Variants in PREX1 observed in about 807,000 individuals in gnomAD.
PREX1 encodes the protein phosphatidylinositol 3,4,5-trisphosphate-dependent Rac exchanger 1 protein.
In PREX1, 41 loss-of-function variants were observed where a neutral mutation model predicts 198.3. The observed-to-expected ratio is 0.21, with a 90% CI of 0.16 to 0.27. The LOEUF (loss-of-function observed/expected upper bound fraction) is 0.27. Ranked by LOEUF, PREX1 falls within the 10% of genes least tolerant of loss-of-function variation. The pLI, the probability that PREX1 is intolerant of heterozygous loss-of-function variation, is 1.00. For synonymous variants in PREX1, 843 were observed against 887.2 expected (o/e 0.95, Z 0.89); for missense variants, 1,620 against 2,200.7 (o/e 0.74, Z 5.28).
At chr20:48,712,422 T>C (rs1295858537) in intron 5 of PREX1, among the ~76,000 whole-genome samples, 3 of 152,150 alleles carry the variant, frequency 2.0e-5, no homozygotes, top group African/African-American at 7.2e-5. Context: ...ACTTTTATTC[T>C]TGAAGCTAAA....
Position 48,827,784 on chromosome 20 carries a change from C to A in PREX1, c.77G>T (p.Gly26Val). Residue 26 changes from glycine (G) to valine (V), a missense_variant, in exon 1 of 40, where the codon GGC becomes GTC. Physicochemically the swap from Gly to Val is moderately radical, Grantham distance 109. This residue lies in a region of PREX1 where 96 missense variants were observed against 98.7 expected (regional missense o/e 0.97). Transcript: ENST00000371941. The surrounding 1 kb of genome is among the most constrained non-coding windows in gnomAD (Gnocchi z 4.1). ...GGGGCCGGAGCTGGGCGCCGCGGCG[C>A]CAGGGGCCCGGGGGTCCGGGTGGGC... Reference protein sequence around the residue: ...DCAHPDPRAPGAAAPSSGPGP... With the variant: ...DCAHPDPRAPVAAAPSSGPGP... 1.3e-5 allele frequency: 15 copies of A among 1,134,792 alleles called. No individual in the cohort carries two copies. Among genetic ancestry groups the A allele is most frequent in the Non-Finnish European group, 1.5e-5 (14 of 918,714 alleles). 70.3% of individuals were successfully genotyped at this position (1,134,792 alleles called of 1,614,324 possible).
intron 1 of PREX1, among the ~76,000 whole-genome samples, chr20:48,753,263 G>C (rs1048830894): frequency 6.6e-6 from 1 of 152,154 alleles, no homozygotes; most frequent in East Asian, 1.9e-4. Context: ...GATACCAAGA[G>C]TATGAGACAC....
chr20:48,773,403 C>A (rs2090246285), intron 1 of PREX1, among the ~76,000 whole-genome samples: 1 of 152,208 alleles, frequency 6.6e-6, no homozygotes, highest in Non-Finnish European at 1.5e-5. Flanking sequence ...CCACACTAGC[C>A]CCTTTCCTGA....
intron 35 of PREX1, among the ~76,000 whole-genome samples, chr20:48,631,774 A>G (rs1391129893): frequency 5.3e-5 from 8 of 152,044 alleles, no homozygotes. Context: ...TGGGAGCTGC[A>G]GAACTTAGAA....
chr20:48,632,625 A>G lies in PREX1; in HGVS notation c.4282T>C (p.Tyr1428His). The G allele has an allele frequency of 6.2e-7, 1 of 1,613,814 alleles. No individual in the cohort carries two copies. The highest frequency in any genetic ancestry group is 8.5e-7 in the Non-Finnish European group (1 of 1,179,852). The change falls in exon 34 of 40, where the codon TAC becomes CAC. Residue 1428 changes from tyrosine (Y) to histidine (H), a missense_variant. Coordinates refer to ENST00000371941, the MANE Select transcript of PREX1 (RefSeq NM_020820.4). Reference protein sequence around the residue: ...ENYVANTNVFYHIEGSRQALK... With the variant: ...ENYVANTNVFHHIEGSRQALK... ...GCCTGCCGGCTGCCCTCAATGTGGT[A>G]GAAGACGTTGGTGTCTGCGGAAGGA... is the stretch of plus-strand genomic sequence containing the variant.
intron 36 of PREX1, 57 bp downstream of exon 36, chr20:48,630,671 C>A: frequency 6.8e-7 from 1 of 1,471,412 alleles, no homozygotes; most frequent in Non-Finnish European, 9.5e-7. Context: ...TGAGTCCTGA[C>A]TCCTGAGCGC....
intron 18 of PREX1, among the ~76,000 whole-genome samples, chr20:48,656,255 C>T (rs1381679686): frequency 6.6e-6 from 1 of 152,198 alleles, no homozygotes. Context: ...CTACCCCTAG[C>T]ACGGGTCTGC....
Position 48,636,594 on chromosome 20 carries a change from G to C in PREX1, c.4036C>G (p.Leu1346Val). The C allele has an allele frequency of 6.2e-7, 1 of 1,611,702 alleles. No individual in the cohort carries two copies. The highest frequency in any genetic ancestry group is 1.1e-5 in the South Asian group (1 of 91,030). Residue 1346 changes from leucine to valine, a missense_variant, in exon 32 of 40, where the codon CTG becomes GTG. By Grantham distance (32) the Leu-to-Val change is conservative. Around this residue, in one of 7 missense-constraint regions of PREX1, gnomAD observed 476 missense variants for 603.4 expected, o/e 0.79. Transcript: ENST00000371941. ...CTFSKQLLAALGYRYNNNGEY... is the reference protein window; with the variant it reads ...CTFSKQLLAAVGYRYNNNGEY... ...CCATTGTTGTTGTAGCGGTAGCCCA[G>C]GGCCGCCAGCAGCTGCTTGGAGAAG...
the PREX1 span, among the ~76,000 whole-genome samples, chr20:48,884,651 A>T: frequency 6.6e-6 from 1 of 152,264 alleles, no homozygotes; most frequent in Non-Finnish European, 1.5e-5. Flanking sequence ...GACTAAAGAA[A>T]AACAATAGAT....
the PREX1 span, among the ~76,000 whole-genome samples, chr20:48,838,192 C>G: frequency 6.6e-6 from 1 of 152,172 alleles, no homozygotes; most frequent in Non-Finnish European, 1.5e-5. Flanking sequence ...TGGAAACGTT[C>G]TATTTCCTAA....
At chr20:48,644,812 G>A (rs756160410) in intron 26 of PREX1, among the ~76,000 whole-genome samples, 23 of 152,334 alleles carry the variant, frequency 1.5e-4, no homozygotes, top group Admixed American at 2.6e-4. Flanking sequence ...CTTGCCCTGA[G>A]ACACCTGCCC....
In PREX1 at chr20:48,748,816, A is replaced by G. The variant is rs1195546951; in HGVS notation, c.220-936T>C. Among the ~76,000 whole-genome samples, 5 of 152,182 alleles carry G rather than the reference A, an allele frequency of 3.3e-5. No homozygotes were observed. In the East Asian group the frequency reaches 9.6e-4, roughly 29 times the overall value. On this transcript the variant is annotated intron_variant, in intron 1 of 39. Transcript: ENST00000371941. ...AGGCCCAGGACCACCAGAGGTTCGG[A>G]TTTGGGTGTTGTTGTGGTTTTTAAT...
intron 16 of PREX1, 143 bp from the exon 17 acceptor site, chr20:48,658,371 C>A: frequency 1.4e-6 from 1 of 739,530 alleles, no homozygotes; most frequent in Non-Finnish European, 2.3e-6. Flanking sequence ...CAGAGCAAAA[C>A]GCAAACAGCA....
chr20:48,630,512 T>C (rs1434151528), intron 36 of PREX1, among the ~76,000 whole-genome samples: 1 of 152,142 alleles, frequency 6.6e-6, no homozygotes, highest in East Asian at 1.9e-4. Flanking sequence ...GTGGCAGAGA[T>C]GGGCGGCTGC....
intron 5 of PREX1, among the ~76,000 whole-genome samples, chr20:48,709,795 G>A (rs113399678): frequency 6.6e-5 from 10 of 152,280 alleles, no homozygotes; most frequent in East Asian, 1.9e-4. Context: ...ATGACAACAC[G>A]CTAGCTGTAA....
At chr20:48,667,982 G>C (rs192518637) in intron 14 of PREX1, among the ~76,000 whole-genome samples, 2 of 152,158 alleles carry the variant, frequency 1.3e-5, no homozygotes, top group Non-Finnish European at 2.9e-5. Flanking sequence ...AGCATTTCCC[G>C]GTGCCAGTTC....
chr20:48,627,765 G>T (rs2089284316), intron 38 of PREX1, 96 bp downstream of exon 38: 2 of 1,401,464 alleles, frequency 1.4e-6, no homozygotes, highest in South Asian at 1.2e-5. Context: ...TCAGGTCTGG[G>T]GCTGGTGGCT....
At chr20:48,697,384 CT>C (rs11289036) in intron 7 of PREX1, among the ~76,000 whole-genome samples, 73,336 of 138,674 alleles carry the variant, frequency 0.53, 19,692 homozygotes, top group African/African-American at 0.72. Flanking sequence ...TTTTTCTTTT[CT>C]TTTTTTTTTT....
intron 3 of PREX1, among the ~76,000 whole-genome samples, chr20:48,741,117 G>T (rs139956358): frequency 6.6e-6 from 1 of 151,948 alleles, no homozygotes; most frequent in South Asian, 2.1e-4. Flanking sequence ...CAAACGATAA[G>T]TGAATCAATT....
Sources: allele counts gnomAD v4.1 joint callset (sites outside exome capture counted in the v4.1 genomes callset), GRCh38; gene constraint gnomAD v4.1.1; regional missense constraint gnomAD v4.1.1; non-coding constraint Gnocchi (gnomAD v3.1); transcripts MANE v1.5; gene names NCBI Gene and HGNC (gene_info 2026-07-23, HGNC 2026-07-21).